The following CDH4 variants were observed in gnomAD, a reference collection of about 807,000 sequenced individuals.
CDH4 encodes the protein cadherin-4.
Under a neutral mutation model 86.0 loss-of-function variants are expected in CDH4, and 33 were observed. The observed-to-expected ratio is 0.38, with a 90% confidence interval of 0.29 to 0.51. The LOEUF is 0.51. Among genes scored for constraint, CDH4 ranks in the 20% least tolerant of loss-of-function variants. CDH4 has a pLI of 0.86. For synonymous variants in CDH4, 555 were observed against 549.4 expected, an observed-to-expected ratio of 1.01 and a Z score of -0.14; for missense variants, 1,114 against 1,307.4, an observed-to-expected ratio of 0.85 and a Z score of 2.28.
rs59382011 is a variant in CDH4, at chr20:61,729,121, C to T, written c.170-14442C>T. On this transcript the variant is annotated intron_variant, in intron 2 of 15. Coordinates refer to ENST00000614565, the MANE Select transcript of CDH4 (RefSeq NM_001794.5). ...GTTGCTCTGCGAGCGCTGACTGCAG[C>T]GTGTTTTGACAAGAGGCCCTGGCAT... is the stretch of plus-strand genomic sequence containing the variant. Among the ~76,000 whole-genome samples, 622 of 151,786 alleles carry T rather than the reference C, an allele frequency of 4.1e-3. 3 individuals carry two copies. Among genetic ancestry groups the T allele is most frequent in the African/African-American group, 0.014 (579 of 41,508 alleles).
intron 2 of CDH4, among the ~76,000 whole-genome samples, chr20:61,492,825 G>A (rs1008829295): frequency 1.1e-4 from 17 of 152,168 alleles, no homozygotes; most frequent in Admixed American, 1.1e-3. Flanking sequence ...TTGGGGAAGG[G>A]CTACTTTAAA....
intron 4 of CDH4, among the ~76,000 whole-genome samples, chr20:61,795,578 A>C (rs1600996606): frequency 6.6e-6 from 1 of 152,330 alleles, no homozygotes; most frequent in East Asian, 1.9e-4. Flanking sequence ...AGGCGTGAGC[A>C]GAAAACAGAA....
chr20:61,729,488 C>T (rs919402984), intron 2 of CDH4, among the ~76,000 whole-genome samples: 15 of 152,318 alleles, frequency 9.8e-5, no homozygotes, highest in African/African-American at 3.1e-4. Flanking sequence ...AGAGAAATTC[C>T]TCTCTTTATA....
intron 9 of CDH4, among the ~76,000 whole-genome samples, chr20:61,918,079 G>T (rs1430168448): frequency 1.3e-5 from 2 of 152,102 alleles, no homozygotes; most frequent in African/African-American, 2.4e-5. Context: ...TGGAGGGCCT[G>T]GGGGGGCAGC....
chr20:61,654,089 G>T (rs2087160159), intron 2 of CDH4, among the ~76,000 whole-genome samples: 1 of 152,080 alleles, frequency 6.6e-6, no homozygotes, highest in Admixed American at 6.5e-5. Context: ...GGAGGTGGAG[G>T]TTGTAGCGAG....
intron 9 of CDH4, among the ~76,000 whole-genome samples, chr20:61,919,256 C>T (rs1366646644): frequency 6.6e-6 from 1 of 152,176 alleles, no homozygotes; most frequent in Non-Finnish European, 1.5e-5. Context: ...GTGTGACATA[C>T]CAGATTATGT....
intron 2 of CDH4, among the ~76,000 whole-genome samples, chr20:61,497,119 G>A (rs2085668992): frequency 6.6e-6 from 1 of 152,266 alleles, no homozygotes; most frequent in East Asian, 1.9e-4. Context: ...TACTCACAGT[G>A]TGTGTCTTGT....
At chr20:61,870,189 C>T (rs573170153) in intron 6 of CDH4, among the ~76,000 whole-genome samples, 159 of 152,322 alleles carry the variant, frequency 1.0e-3, no homozygotes, top group African/African-American at 3.4e-3. Context: ...TGGACCCCAG[C>T]CCTGCTCCAC....
intron 2 of CDH4, among the ~76,000 whole-genome samples, chr20:61,736,344 G>A (rs1194641927): frequency 1.3e-5 from 2 of 152,156 alleles, no homozygotes; most frequent in East Asian, 3.9e-4. Flanking sequence ...CCCCACCCGA[G>A]CCTTCTCTGG....
chr20:61,260,300 T>C (rs2084121444), intron 2 of CDH4, among the ~76,000 whole-genome samples: 1 of 152,226 alleles, frequency 6.6e-6, no homozygotes, highest in Admixed American at 6.5e-5. Context: ...TCATGAATAC[T>C]TGGTAACTGT....
intron 2 of CDH4, among the ~76,000 whole-genome samples, chr20:61,731,635 C>T (rs1053737100): frequency 3.3e-5 from 5 of 152,220 alleles, no homozygotes; most frequent in Admixed American, 2.6e-4. Flanking sequence ...TCCAGCGGGA[C>T]GCCTCCTGCC....
chr20:61,259,277 A>G (rs1432862856), intron 2 of CDH4, among the ~76,000 whole-genome samples: 1 of 152,242 alleles, frequency 6.6e-6, no homozygotes, highest in Admixed American at 6.5e-5. Context: ...GCCACACTGC[A>G]TGGCCAGAAG....
At chr20:61,344,903 T>C (rs902954483) in intron 2 of CDH4, among the ~76,000 whole-genome samples, 1 of 152,212 alleles carries the variant, frequency 6.6e-6, no homozygotes, top group African/African-American at 2.4e-5. Context: ...TTGCGTCCTT[T>C]GAAACAAAGT....
At chr20:61,823,578 G>C (rs935333296) in intron 4 of CDH4, among the ~76,000 whole-genome samples, 5 of 152,156 alleles carry the variant, frequency 3.3e-5, no homozygotes, top group Non-Finnish European at 5.9e-5. Flanking sequence ...CAAGAATTAA[G>C]AAGGTCAAAA....
intron 7 of CDH4, among the ~76,000 whole-genome samples, chr20:61,881,435 T>C (rs947777409): frequency 3.3e-5 from 5 of 152,002 alleles, no homozygotes; most frequent in African/African-American, 1.2e-4. Context: ...ATGGTGCAGC[T>C]CCCCAGCGAG....
At chr20:61,695,530 C>T (rs760268710) in intron 2 of CDH4, among the ~76,000 whole-genome samples, 1 of 152,202 alleles carries the variant, frequency 6.6e-6, no homozygotes. Flanking sequence ...GGGCATGTCT[C>T]GCTCTGGGTC....
At chr20:61,679,629 C>T (rs1199785037) in intron 2 of CDH4, among the ~76,000 whole-genome samples, 6 of 152,160 alleles carry the variant, frequency 3.9e-5, no homozygotes. Context: ...TCAAGATCTG[C>T]GGGGCAGGTG....
In CDH4 at chr20:61,801,158, G is replaced by C. The variant is rs1979811681; in HGVS notation, c.576+27976G>C. 1.3e-5 allele frequency among the ~76,000 whole-genome samples: 2 copies of C among 152,212 alleles called. 1 individual carries two copies. Among genetic ancestry groups the C allele is most frequent in the South Asian group, 4.1e-4 (2 of 4,826 alleles). ...CTCCTGCCTCCCGTTGGGAGGTGTT[G>C]AGGGCTTGGGGACAAAAGGCATGGA... On this transcript the variant is annotated intron_variant, in intron 4 of 15. Coordinates refer to ENST00000614565, the MANE Select transcript of CDH4 (RefSeq NM_001794.5).
At chr20:61,483,124 G>A (rs2085577033) in intron 2 of CDH4, among the ~76,000 whole-genome samples, 1 of 152,212 alleles carries the variant, frequency 6.6e-6, no homozygotes. Flanking sequence ...GCTGAGCCCA[G>A]AGCTGTGGGA....
Sources: allele counts gnomAD v4.1 joint callset (sites outside exome capture counted in the v4.1 genomes callset), GRCh38; gene constraint gnomAD v4.1.1; transcripts MANE v1.5; gene names NCBI Gene and HGNC (gene_info 2026-07-23, HGNC 2026-07-21).